Variants in KCNH5 observed in about 807,000 individuals in gnomAD.
The protein encoded by KCNH5 is voltage-gated delayed rectifier potassium channel KCNH5.
KCNH5 carries 46 observed loss-of-function variants against 96.1 expected under a neutral mutation model. That is an observed-to-expected ratio of 0.48 (90% CI 0.38 to 0.61). The LOEUF is 0.61. KCNH5 is among the 20% of genes least tolerant of loss of function. KCNH5 has a pLI of 0.00. For missense variants in KCNH5, 907 were observed against 1,225.8 expected (o/e 0.74, Z 3.88); for synonymous variants, 439 against 449.8 (o/e 0.98, Z 0.30).
chr14:63,033,473 C>T (rs572087925), intron 1 of KCNH5, among the ~76,000 whole-genome samples: 2 of 152,284 alleles, frequency 1.3e-5, no homozygotes, highest in Admixed American at 1.3e-4. Flanking sequence ...TTAGAAAGGC[C>T]TCCCAATTGG....
At chr14:63,018,130 G>A (rs771006060) in intron 1 of KCNH5, among the ~76,000 whole-genome samples, 20 of 151,946 alleles carry the variant, frequency 1.3e-4, no homozygotes, top group South Asian at 2.1e-4. Flanking sequence ...AGGAAGCAAC[G>A]GAAAGTAGGC....
chr14:62,922,070 T>C (rs1421820166), intron 7 of KCNH5, among the ~76,000 whole-genome samples: 1 of 152,146 alleles, frequency 6.6e-6, no homozygotes, highest in Non-Finnish European at 1.5e-5. Context: ...TATGATATAA[T>C]AATGCAAATG....
At chr14:62,835,697 T>A (rs10139468) in intron 8 of KCNH5, among the ~76,000 whole-genome samples, 16,366 of 152,002 alleles carry the variant, frequency 0.11, 1,115 homozygotes, top group East Asian at 0.29. Flanking sequence ...GTAAAGGTCA[T>A]AACATTAAGA....
intron 7 of KCNH5, among the ~76,000 whole-genome samples, chr14:62,932,944 T>G (rs911038677): frequency 1.4e-4 from 22 of 152,254 alleles, no homozygotes; most frequent in African/African-American, 4.8e-4. Flanking sequence ...TCTCAAAAAA[T>G]TCTTTTATCT....
At chr14:62,979,799 G>A (rs541469191) in intron 6 of KCNH5, among the ~76,000 whole-genome samples, 1 of 152,170 alleles carries the variant, frequency 6.6e-6, no homozygotes, top group Admixed American at 6.5e-5. Flanking sequence ...TGTGGATGAA[G>A]TGGTCTTTTA....
intron 10 of KCNH5, among the ~76,000 whole-genome samples, chr14:62,718,140 A>C (rs1431188562): frequency 6.6e-6 from 1 of 152,134 alleles, no homozygotes; most frequent in Non-Finnish European, 1.5e-5. Flanking sequence ...CAAGGGGGCA[A>C]GGGTTAAAAA....
At position 62,831,437 on chromosome 14, in the gene KCNH5, T is replaced by C. The variant is rs188715861; in HGVS notation, c.1569+18216A>G. On this transcript the variant is annotated intron_variant, in intron 8 of 10. Transcript: ENST00000322893. ...TAATTAACCTATGGAAATCCAGAGGTAAGCACTGGGTTTTTTAGTTGTATT... is the reference window on the plus strand; with the variant it reads ...TAATTAACCTATGGAAATCCAGAGGCAAGCACTGGGTTTTTTAGTTGTATT... Among the ~76,000 whole-genome samples the C allele has an allele frequency of 8.5e-4, 130 of 152,312 alleles. 1 individual carries two copies. The highest frequency in any genetic ancestry group is 8.5e-3 in the Admixed American group (130 of 15,288).
intron 7 of KCNH5, among the ~76,000 whole-genome samples, chr14:62,946,356 T>G (rs1447566157): frequency 1.3e-5 from 2 of 152,166 alleles, no homozygotes; most frequent in East Asian, 3.9e-4. Context: ...ACATCCACTC[T>G]GTAAAATAGT....
intron 3 of KCNH5, among the ~76,000 whole-genome samples, chr14:63,003,049 G>A (rs1891040212): frequency 6.6e-6 from 1 of 151,968 alleles, no homozygotes; most frequent in African/African-American, 2.4e-5. Flanking sequence ...AAAGAGAAAA[G>A]GGCACTAAAA....
chr14:63,043,610 G>A (rs1052867499), intron 1 of KCNH5, among the ~76,000 whole-genome samples: 21 of 152,160 alleles, frequency 1.4e-4, no homozygotes, highest in Admixed American at 8.5e-4. Flanking sequence ...TATTTTTTCC[G>A]ACCCAAATAC....
At chr14:62,764,450 T>A (rs1330278331) in intron 10 of KCNH5, among the ~76,000 whole-genome samples, 3 of 152,070 alleles carry the variant, frequency 2.0e-5, no homozygotes, top group Non-Finnish European at 4.4e-5. Flanking sequence ...GCATTTGGCT[T>A]GAGAACCAGA....
chr14:62,944,712 T>C (rs1215151060), intron 7 of KCNH5, among the ~76,000 whole-genome samples: 1 of 152,206 alleles, frequency 6.6e-6, no homozygotes, highest in Non-Finnish European at 1.5e-5. Context: ...TAACACTTCA[T>C]GAATCTAGAC....
chr14:63,014,295 C>A (rs921738633), intron 2 of KCNH5, among the ~76,000 whole-genome samples: 1 of 151,980 alleles, frequency 6.6e-6, no homozygotes, highest in Non-Finnish European at 1.5e-5. Flanking sequence ...CATGTGAGAC[C>A]TAGGTTACGG....
chr14:62,748,032 T>C (rs1285985795), intron 10 of KCNH5, among the ~76,000 whole-genome samples: 2 of 152,208 alleles, frequency 1.3e-5, no homozygotes, highest in East Asian at 3.9e-4. Flanking sequence ...AAGAGGGTGA[T>C]TCTGGTTACA....
intron 10 of KCNH5, among the ~76,000 whole-genome samples, chr14:62,709,077 C>CA (rs1419775747): frequency 5.3e-5 from 8 of 151,002 alleles, no homozygotes; most frequent in African/African-American, 1.7e-4. Context: ...ACTAAAAATA[C>CA]AAAAAATTAG....
At chr14:62,784,260 T>G (rs999918394) in intron 9 of KCNH5, among the ~76,000 whole-genome samples, 1 of 152,132 alleles carries the variant, frequency 6.6e-6, no homozygotes, top group East Asian at 1.9e-4. Context: ...GAGAACAGTA[T>G]GGGGGAAACT....
chr14:62,762,489 T>G (rs1319084914), intron 10 of KCNH5, among the ~76,000 whole-genome samples: 1 of 152,126 alleles, frequency 6.6e-6, no homozygotes, highest in African/African-American at 2.4e-5. Context: ...TCCACACAGC[T>G]TTGCCAATGT....
chr14:63,011,812 G>A (rs1443684532), intron 2 of KCNH5, among the ~76,000 whole-genome samples: 1 of 152,142 alleles, frequency 6.6e-6, no homozygotes, highest in African/African-American at 2.4e-5. Context: ...TGTGTCACAT[G>A]CTCTTGGTAG....
intron 5 of KCNH5, among the ~76,000 whole-genome samples, chr14:62,981,836 T>G (rs1373333127): frequency 6.6e-6 from 1 of 152,226 alleles, no homozygotes; most frequent in Non-Finnish European, 1.5e-5. Context: ...TTGTGTTTCT[T>G]GCCCAACTGC....
Sources: gnomAD v4.1 joint callset for allele counts (sites outside exome capture counted in the v4.1 genomes callset) on GRCh38, gnomAD v4.1.1 for gene constraint, MANE v1.5 for transcripts, NCBI Gene and HGNC (gene_info 2026-07-23, HGNC 2026-07-21) for gene names.